Variants in FHIT observed in about 807,000 individuals in gnomAD.
The protein encoded by FHIT is bis(5'-adenosyl)-triphosphatase.
A neutral mutation model predicts 17.9 loss-of-function variants in FHIT; 19 were observed. The observed-to-expected ratio is 1.06, with a 90% CI of 0.74 to 1.56. The LOEUF is 1.56. Among genes scored for constraint, FHIT ranks in the 40% most tolerant of loss-of-function variants. The probability of loss-of-function intolerance (pLI) is 0.00; values close to 1 mark genes in which losing one functional copy is unlikely to be tolerated. For synonymous variants in FHIT, 81 were observed against 69.7 expected (o/e 1.16, Z -0.81); for missense variants, 248 against 189.2 (o/e 1.31, Z -1.82).
intron 5 of FHIT, among the ~76,000 whole-genome samples, chr3:60,162,356 G>C (rs2107369882): frequency 6.6e-6 from 1 of 152,240 alleles, no homozygotes; most frequent in East Asian, 1.9e-4. Context: ...TTACAGAAGA[G>C]GTAGAATATA....
intron 1 of FHIT, among the ~76,000 whole-genome samples, chr3:61,213,346 G>C (rs2039553883): frequency 1.3e-5 from 2 of 152,098 alleles, no homozygotes; most frequent in Non-Finnish European, 2.9e-5. Context: ...AAAAGGCAGG[G>C]GTTGCAGTCC....
intron 8 of FHIT, among the ~76,000 whole-genome samples, chr3:59,823,904 A>G (rs1051464730): frequency 2.0e-5 from 3 of 152,220 alleles, no homozygotes; most frequent in African/African-American, 7.2e-5. Context: ...GAGGAAGTCA[A>G]ACTGTCGCTG....
At position 59,965,114 on chromosome 3, in the gene FHIT, A is replaced by C. The variant is rs574069375; in HGVS notation, c.280-42700T>G. Among the ~76,000 whole-genome samples, 24 of 152,300 alleles carry C rather than the reference A, an allele frequency of 1.6e-4. 1 individual carries two copies. The highest frequency in any genetic ancestry group is 5.3e-4 in the African/African-American group (22 of 41,580). On this transcript the variant is annotated intron_variant, in intron 7 of 9. Coordinates refer to ENST00000492590, the MANE Select transcript of FHIT (RefSeq NM_002012.4). Reference sequence around the variant, plus strand: ...ATTATAGGAGAGTTTTCAGTCATGTAAATCAGAGAGTTAGCAAAACAATGG... The same window carrying C: ...ATTATAGGAGAGTTTTCAGTCATGTCAATCAGAGAGTTAGCAAAACAATGG...
At chr3:60,073,769 A>T (rs1467070101) in intron 5 of FHIT, among the ~76,000 whole-genome samples, 1 of 151,388 alleles carries the variant, frequency 6.6e-6, no homozygotes, top group East Asian at 1.9e-4. Flanking sequence ...AAATCACTCC[A>T]CTCCTGCCCT....
chr3:60,131,130 GT>G (rs1699580154), intron 5 of FHIT, among the ~76,000 whole-genome samples: 1 of 142,462 alleles, frequency 7.0e-6, no homozygotes, highest in African/African-American at 2.5e-5. Context: ...CCTTGGATTG[GT>G]TTCAAGACCC....
At chr3:60,719,484 T>C (rs1416700559) in intron 4 of FHIT, among the ~76,000 whole-genome samples, 1 of 152,192 alleles carries the variant, frequency 6.6e-6, no homozygotes, top group Admixed American at 6.5e-5. Flanking sequence ...ATTAAGATCA[T>C]GGTCTTTGTA....
chr3:59,934,907 A>G (rs1347448099), intron 7 of FHIT, among the ~76,000 whole-genome samples: 1 of 152,170 alleles, frequency 6.6e-6, no homozygotes, highest in Non-Finnish European at 1.5e-5. Flanking sequence ...ATTCAAGATG[A>G]GATTTGGGTG....
At chr3:60,373,499 A>G (rs923012495) in intron 5 of FHIT, among the ~76,000 whole-genome samples, 1 of 152,212 alleles carries the variant, frequency 6.6e-6, no homozygotes, top group African/African-American at 2.4e-5. Flanking sequence ...CTCAGAGGCC[A>G]TCTTAGGACA....
intron 5 of FHIT, among the ~76,000 whole-genome samples, chr3:60,268,114 T>C (rs1019436137): frequency 7.9e-5 from 12 of 152,134 alleles, no homozygotes; most frequent in Admixed American, 7.9e-4. Flanking sequence ...GAAGTCTAAA[T>C]GGGCAAACAA....
At chr3:60,096,855 G>A (rs1401198832) in intron 5 of FHIT, among the ~76,000 whole-genome samples, 1 of 152,014 alleles carries the variant, frequency 6.6e-6, no homozygotes, top group Non-Finnish European at 1.5e-5. Context: ...AGGGGCAGGA[G>A]GATGCAAGAG....
At chr3:59,779,935 CT>C (rs1702497645) in intron 8 of FHIT, among the ~76,000 whole-genome samples, 1 of 152,224 alleles carries the variant, frequency 6.6e-6, no homozygotes, top group Non-Finnish European at 1.5e-5. Context: ...ACATCCATCT[CT>C]TTGGGAAAAG....
chr3:60,525,628 T>C (rs2035544752), intron 5 of FHIT, among the ~76,000 whole-genome samples: 1 of 152,222 alleles, frequency 6.6e-6, no homozygotes, highest in African/African-American at 2.4e-5. Context: ...TCACTTTCCA[T>C]AATTGTAAAT....
At chr3:60,735,158 C>T (rs17627738) in intron 4 of FHIT, among the ~76,000 whole-genome samples, 15,179 of 152,216 alleles carry the variant, frequency 0.1, 899 homozygotes, top group Non-Finnish European at 0.14. Flanking sequence ...AATTACTTTT[C>T]AGAGAGCCTG....
chr3:61,110,358 G>A (rs1362075178), intron 2 of FHIT, among the ~76,000 whole-genome samples: 3 of 151,914 alleles, frequency 2.0e-5, no homozygotes, highest in Admixed American at 6.6e-5. Flanking sequence ...CCTTACTCCA[G>A]TCACATCTTC....
Position 60,345,555 on chromosome 3 carries a change from G to A in FHIT, c.103+191305C>T, listed in dbSNP as rs561280956. On this transcript the variant is annotated intron_variant, in intron 5 of 9. Coordinates refer to ENST00000492590, the MANE Select transcript of FHIT (RefSeq NM_002012.4). ...ATTTCAGAAAACCAATTGTAGACTA[G>A]AACGAGAACCTAGAATGATCTACCA... is the stretch of plus-strand genomic sequence containing the variant. Among the ~76,000 whole-genome samples the A allele has an allele frequency of 3.3e-5, 5 of 152,294 alleles. No homozygotes were observed. In the East Asian group the frequency reaches 9.6e-4, roughly 29 times the overall value.
At chr3:60,097,932 T>C (rs1295031662) in intron 5 of FHIT, among the ~76,000 whole-genome samples, 2 of 148,626 alleles carry the variant, frequency 1.3e-5, no homozygotes, top group African/African-American at 5.0e-5. Flanking sequence ...TTCTCATTGT[T>C]CAATTCCCAC....
intron 7 of FHIT, among the ~76,000 whole-genome samples, chr3:59,938,116 C>T (rs1376657540): frequency 6.6e-6 from 1 of 152,090 alleles, no homozygotes; most frequent in East Asian, 1.9e-4. Flanking sequence ...TCCACTGCAG[C>T]ATTATCTATA....
intron 2 of FHIT, among the ~76,000 whole-genome samples, chr3:61,043,100 G>T (rs559258761): frequency 6.6e-6 from 1 of 152,240 alleles, no homozygotes; most frequent in East Asian, 1.9e-4. Context: ...CATCTCACTG[G>T]GGCTTGTTGG....
chr3:60,348,736 T>C (rs1283670623), intron 5 of FHIT, among the ~76,000 whole-genome samples: 1 of 152,194 alleles, frequency 6.6e-6, no homozygotes, highest in African/African-American at 2.4e-5. Context: ...GCCATGTAAC[T>C]TGACTTGGCC....
Sources: allele counts gnomAD v4.1 joint callset (sites outside exome capture counted in the v4.1 genomes callset), GRCh38; gene constraint gnomAD v4.1.1; transcripts MANE v1.5; gene names NCBI Gene and HGNC (gene_info 2026-07-23, HGNC 2026-07-21).